The following PRR5L variants were observed in gnomAD, a reference collection of about 807,000 sequenced individuals.
PRR5L encodes the protein proline-rich protein 5-like.
Under a neutral mutation model 36.4 loss-of-function variants are expected in PRR5L, and 21 were observed. That is an observed-to-expected ratio of 0.58 (90% CI 0.41 to 0.83). PRR5L has a LOEUF of 0.83. PRR5L is among the 40% of genes least tolerant of loss of function. PRR5L has a pLI of 0.00. For missense variants in PRR5L, 381 were observed against 473.3 expected, an observed-to-expected ratio of 0.80 and a Z score of 1.81; for synonymous variants, 188 against 197.0, an observed-to-expected ratio of 0.95 and a Z score of 0.38.
intron 1 of PRR5L, among the ~76,000 whole-genome samples, chr11:36,315,260 G>T (rs1350429399): frequency 1.3e-5 from 2 of 152,148 alleles, no homozygotes; most frequent in African/African-American, 2.4e-5. Context: ...ACAGAGTCTA[G>T]TCCAATGTAA....
intron 4 of PRR5L, among the ~76,000 whole-genome samples, chr11:36,420,246 A>C (rs1234069919): frequency 2.0e-5 from 3 of 152,200 alleles, no homozygotes; most frequent in Admixed American, 6.5e-5. Flanking sequence ...GCGAAATGGG[A>C]CTAAAAATAC....
intron 1 of PRR5L, among the ~76,000 whole-genome samples, chr11:36,346,668 A>G (rs1856869109): frequency 6.6e-6 from 1 of 152,212 alleles, no homozygotes; most frequent in Non-Finnish European, 1.5e-5. Flanking sequence ...GTCTAGCAAT[A>G]GTGAAATAAT....
At chr11:36,429,396 C>T (rs1858447099) in intron 4 of PRR5L, among the ~76,000 whole-genome samples, 1 of 152,196 alleles carries the variant, frequency 6.6e-6, no homozygotes, top group Non-Finnish European at 1.5e-5. Flanking sequence ...ATATGGTCCT[C>T]ACTCCTAAGG....
chr11:36,332,439 T>C (rs1326459362), intron 1 of PRR5L, among the ~76,000 whole-genome samples: 1 of 152,218 alleles, frequency 6.6e-6, no homozygotes, highest in Non-Finnish European at 1.5e-5. Context: ...ATAAGCCTTG[T>C]TCTGAGACCC....
At chr11:36,332,161 C>A (rs1856725604) in intron 1 of PRR5L, among the ~76,000 whole-genome samples, 1 of 152,000 alleles carries the variant, frequency 6.6e-6, no homozygotes, top group South Asian at 2.1e-4. Flanking sequence ...ACACAGAAAT[C>A]AATAACAATA....
chr11:36,338,543 A>AT (rs957287518), intron 1 of PRR5L, among the ~76,000 whole-genome samples: 3 of 151,928 alleles, frequency 2.0e-5, no homozygotes, highest in Non-Finnish European at 4.4e-5. Flanking sequence ...TTCATTGTTA[A>AT]TTTTTTACAC....
chr11:36,436,806 C>T (rs565865426), intron 5 of PRR5L, among the ~76,000 whole-genome samples: 145 of 152,206 alleles, frequency 9.5e-4, no homozygotes, highest in African/African-American at 3.2e-3. Context: ...GCCTGTAAAG[C>T]GGGGGTATTA....
At position 36,402,288 on chromosome 11, in the gene PRR5L, G is replaced by A. The variant is rs1031624538; in HGVS notation, c.164+1003G>A. ...TGAGACAATCTTGCTCTGTTACCCA[G>A]GCTGGAGTGCAGTGGTGCAATCTTG... On this transcript the variant is annotated intron_variant, in intron 2 of 8. Coordinates refer to ENST00000530639, the MANE Select transcript of PRR5L (RefSeq NM_001160167.2). Among the ~76,000 whole-genome samples the A allele has an allele frequency of 1.3e-5, 2 of 152,148 alleles. 1 individual carries two copies. Among genetic ancestry groups the A allele is most frequent in the Admixed American group, 1.3e-4 (2 of 15,276 alleles).
At chr11:36,370,135 CCA>C (rs1857183472) in intron 1 of PRR5L, among the ~76,000 whole-genome samples, 1 of 152,158 alleles carries the variant, frequency 6.6e-6, no homozygotes, top group African/African-American at 2.4e-5. Context: ...GTCCCCCACC[CCA>C]CCTGTTTCCT....
At chr11:36,322,023 G>A (rs1405848829) in intron 1 of PRR5L, among the ~76,000 whole-genome samples, 1 of 152,054 alleles carries the variant, frequency 6.6e-6, no homozygotes, top group Non-Finnish European at 1.5e-5. Context: ...GAGGTTCCTG[G>A]GACTTAGGAC....
intron 1 of PRR5L, among the ~76,000 whole-genome samples, chr11:36,309,736 G>A (rs1358763249): frequency 6.7e-6 from 1 of 149,944 alleles, no homozygotes; most frequent in Non-Finnish European, 1.5e-5. Context: ...CTCACTGGCT[G>A]TGATCTGAAA....
At chr11:36,381,990 C>T (rs1187821039) in intron 1 of PRR5L, among the ~76,000 whole-genome samples, 1 of 152,042 alleles carries the variant, frequency 6.6e-6, no homozygotes, top group Non-Finnish European at 1.5e-5. Flanking sequence ...AACCCCATCT[C>T]TACTAAAAAT....
At chr11:36,452,048 A>AT (rs1442172344) in intron 8 of PRR5L, among the ~76,000 whole-genome samples, 4 of 152,202 alleles carry the variant, frequency 2.6e-5, no homozygotes. Flanking sequence ...TCTTTGTAGA[A>AT]ATAGCTGTAT....
intron 1 of PRR5L, among the ~76,000 whole-genome samples, chr11:36,375,521 A>C (rs538778018): frequency 7.6e-4 from 116 of 152,292 alleles, no homozygotes; most frequent in African/African-American, 2.7e-3. Context: ...GGACATGCAC[A>C]TCTTTTTCTT....
At chr11:36,367,995 T>C (rs1021847775) in intron 1 of PRR5L, among the ~76,000 whole-genome samples, 43 of 150,798 alleles carry the variant, frequency 2.9e-4, no homozygotes, top group African/African-American at 1.1e-3. Flanking sequence ...AGAATGACCG[T>C]GAAAGATGGG....
chr11:36,311,926 T>G (rs1027739964), intron 1 of PRR5L, among the ~76,000 whole-genome samples: 1 of 152,192 alleles, frequency 6.6e-6, no homozygotes, highest in Non-Finnish European at 1.5e-5. Flanking sequence ...ATCCATACAC[T>G]GTAACTCTAT....
intron 1 of PRR5L, among the ~76,000 whole-genome samples, chr11:36,345,878 T>A (rs1207814838): frequency 1.3e-5 from 2 of 152,212 alleles, no homozygotes; most frequent in Non-Finnish European, 2.9e-5. Flanking sequence ...TGGAGACATA[T>A]TCTGTTTCCT....
chr11:36,456,076 C>T (rs1859051625), intron 8 of PRR5L, among the ~76,000 whole-genome samples: 1 of 152,090 alleles, frequency 6.6e-6, no homozygotes, highest in Non-Finnish European at 1.5e-5. Flanking sequence ...AGCTGGGGCT[C>T]AGCTGTGTGG....
intron 1 of PRR5L, among the ~76,000 whole-genome samples, chr11:36,354,537 A>G (rs1857006871): frequency 6.6e-6 from 1 of 152,244 alleles, no homozygotes; most frequent in Non-Finnish European, 1.5e-5. Context: ...AATGTGTTGC[A>G]GTCATAATGA....
Sources: allele counts gnomAD v4.1 joint callset (sites outside exome capture counted in the v4.1 genomes callset), GRCh38; gene constraint gnomAD v4.1.1; transcripts MANE v1.5; gene names NCBI Gene and HGNC (gene_info 2026-07-23, HGNC 2026-07-21).